The following NKAIN3 variants were observed in gnomAD, a reference collection of about 807,000 sequenced individuals.
The protein encoded by NKAIN3 is sodium/potassium-transporting ATPase subunit beta-1-interacting protein 3.
NKAIN3 carries 25 observed loss-of-function variants against 30.2 expected under a neutral mutation model. That is an observed-to-expected ratio of 0.83 (90% confidence interval 0.60 to 1.16). NKAIN3 has a LOEUF of 1.16. Among genes scored for constraint, NKAIN3 ranks in the 50% most tolerant of loss-of-function variants. The pLI, the probability that NKAIN3 is intolerant of heterozygous loss-of-function variation, is 0.00. For missense variants in NKAIN3, 225 were observed against 254.1 expected (o/e 0.89, Z 0.78); for synonymous variants, 91 against 89.6 (o/e 1.02, Z -0.09).
intron 1 of NKAIN3, among the ~76,000 whole-genome samples, chr8:62,578,500 T>C (rs1168386438): frequency 1.3e-5 from 2 of 152,000 alleles, no homozygotes; most frequent in African/African-American, 4.8e-5. Context: ...TAGATCAGAG[T>C]CTTGAGCCCA....
At chr8:62,916,453 T>C (rs1330130248) in intron 4 of NKAIN3, among the ~76,000 whole-genome samples, 1 of 152,150 alleles carries the variant, frequency 6.6e-6, no homozygotes, top group Non-Finnish European at 1.5e-5. Context: ...TTCTTTCTTG[T>C]GTATGTAACT....
chr8:62,672,494 A>G (rs900617381), intron 3 of NKAIN3, among the ~76,000 whole-genome samples: 1 of 152,234 alleles, frequency 6.6e-6, no homozygotes, highest in Admixed American at 6.5e-5. Flanking sequence ...GAAAAGCCAC[A>G]TTATTATCAG....
At chr8:62,838,079 A>T (rs1285898978) in intron 4 of NKAIN3, among the ~76,000 whole-genome samples, 2 of 151,456 alleles carry the variant, frequency 1.3e-5, no homozygotes, top group Non-Finnish European at 2.9e-5. Context: ...AGGACGTAGA[A>T]GTGTGCAAAG....
At chr8:62,320,577 C>A (rs1225878938) in intron 1 of NKAIN3, among the ~76,000 whole-genome samples, 1 of 152,014 alleles carries the variant, frequency 6.6e-6, no homozygotes, top group African/African-American at 2.4e-5. Flanking sequence ...GATTTTATTT[C>A]TCTTTCACTT....
intron 4 of NKAIN3, among the ~76,000 whole-genome samples, chr8:62,906,234 A>G (rs1455577): frequency 0.017 from 2,539 of 152,340 alleles, 88 homozygotes; most frequent in African/African-American, 0.058. Flanking sequence ...TTGTTAATTT[A>G]TAAGTAGGGT....
chr8:62,759,933 AAAAC>A (rs530154874), intron 4 of NKAIN3, among the ~76,000 whole-genome samples: 203 of 152,280 alleles, frequency 1.3e-3, no homozygotes, highest in Middle Eastern at 0.01. Context: ...TTACAAGAAA[AAAAC>A]AAACAACCCC....
intron 1 of NKAIN3, chr8:62,383,610 T>C (rs572176661): frequency 1.1e-5 from 5 of 439,514 alleles, no homozygotes; most frequent in African/African-American, 4.1e-5. Context: ...GACAGTTTTT[T>C]AAGCCAAGTG....
chr8:62,840,562 C>T (rs762327810), intron 4 of NKAIN3, among the ~76,000 whole-genome samples: 6 of 152,030 alleles, frequency 3.9e-5, no homozygotes, highest in Non-Finnish European at 7.4e-5. Flanking sequence ...GCTTGAGAGG[C>T]TCAGATTGAT....
At chr8:62,680,905 G>A (rs1361853592) in intron 3 of NKAIN3, among the ~76,000 whole-genome samples, 5 of 152,178 alleles carry the variant, frequency 3.3e-5, no homozygotes, top group Non-Finnish European at 7.4e-5. Flanking sequence ...ATAAAGATAA[G>A]TAATTGTTTT....
intron 3 of NKAIN3, among the ~76,000 whole-genome samples, chr8:62,623,488 A>G (rs1035473029): frequency 3.3e-5 from 5 of 152,128 alleles, no homozygotes; most frequent in Non-Finnish European, 5.9e-5. Context: ...GTGTATGTAT[A>G]TGTTTGAATC....
At chr8:62,672,051 G>C (rs1212304998) in intron 3 of NKAIN3, among the ~76,000 whole-genome samples, 1 of 152,140 alleles carries the variant, frequency 6.6e-6, no homozygotes, top group East Asian at 1.9e-4. Flanking sequence ...AATGGCCTCA[G>C]CTTCTCTAAA....
At chr8:62,684,271 C>A (rs1441524393) in intron 3 of NKAIN3, among the ~76,000 whole-genome samples, 17 of 152,208 alleles carry the variant, frequency 1.1e-4, no homozygotes, top group Admixed American at 1.1e-3. Flanking sequence ...GGTGTCAATG[C>A]AGATGTCCAG....
chr8:62,936,925 C>A (rs1258566178), intron 5 of NKAIN3, among the ~76,000 whole-genome samples: 1 of 151,992 alleles, frequency 6.6e-6, no homozygotes, highest in Non-Finnish European at 1.5e-5. Flanking sequence ...GTAAGAAATT[C>A]TGTGGTTAGT....
At chr8:62,380,327 G>A (rs1817234332) in intron 1 of NKAIN3, among the ~76,000 whole-genome samples, 1 of 152,160 alleles carries the variant, frequency 6.6e-6, no homozygotes, top group African/African-American at 2.4e-5. Flanking sequence ...AGAATCTTTT[G>A]CTATAAGTCT....
At chr8:62,877,414 G>T (rs960657865) in intron 4 of NKAIN3, among the ~76,000 whole-genome samples, 7 of 152,224 alleles carry the variant, frequency 4.6e-5, no homozygotes, top group Non-Finnish European at 2.9e-5. Flanking sequence ...GAGTTGAGGG[G>T]AGTGGGGGTC....
At position 62,861,462 on chromosome 8, in the gene NKAIN3, CG is replaced by C. The variant is rs768899645; in HGVS notation, c.472-56990del. Among the ~76,000 whole-genome samples the C allele has an allele frequency of 2.8e-4, 43 of 152,310 alleles. 1 individual carries two copies. Among genetic ancestry groups the C allele is most frequent in the Admixed American group, 7.8e-4 (12 of 15,300 alleles). The stretch of plus-strand genomic sequence containing the variant: ...TCTGGGAACTCAGGGACTTTCCTGG[CG>C]TCACTTGAAATCACTGAAAGCCAAG... On this transcript the variant is annotated intron_variant, in intron 4 of 6. Coordinates refer to ENST00000623646, the MANE Select transcript of NKAIN3 (RefSeq NM_001304533.3).
rs890994260 is a variant in NKAIN3 at position 62,594,877 on chromosome 8, G to A, written c.273+5083G>A. On this transcript the variant is annotated intron_variant, in intron 3 of 6. Transcript: ENST00000623646. ...TCCCTTCTTCTTTTTTGTCAACAGG[G>A]TAAGGGTTCTTTTTGGTTAGAGTTC... Among the ~76,000 whole-genome samples the A allele has an allele frequency of 3.4e-5, 5 of 147,682 alleles. No individual in the cohort carries two copies. In the Admixed American group the frequency reaches 3.4e-4, roughly 10 times the overall value.
At chr8:62,959,220 C>T (rs2130902944) in intron 6 of NKAIN3, among the ~76,000 whole-genome samples, 1 of 152,234 alleles carries the variant, frequency 6.6e-6, no homozygotes, top group South Asian at 2.1e-4. Flanking sequence ...TCTGCAGGTA[C>T]TTTCACTGCC....
chr8:62,898,441 T>C (rs1947483), intron 4 of NKAIN3, among the ~76,000 whole-genome samples: 70,260 of 151,932 alleles, frequency 0.46, 17,887 homozygotes, highest in African/African-American at 0.69. Flanking sequence ...GAGACCATTA[T>C]TCAAAGTAAT....
Sources: allele counts gnomAD v4.1 joint callset (sites outside exome capture counted in the v4.1 genomes callset), GRCh38; gene constraint gnomAD v4.1.1; transcripts MANE v1.5; gene names NCBI Gene and HGNC (gene_info 2026-07-23, HGNC 2026-07-21).